Variants in DISC1 observed in about 807,000 individuals in gnomAD.
DISC1 encodes DISC1 scaffold protein, also known as disrupted in schizophrenia 1 protein.
DISC1 carries 57 observed loss-of-function variants against 84.5 expected under a neutral mutation model. The ratio of observed to expected loss-of-function variants is 0.67; its 90% CI spans 0.55 to 0.84. The LOEUF is 0.84. Among genes scored for constraint, DISC1 ranks in the 40% least tolerant of loss-of-function variants. The probability of loss-of-function intolerance (pLI) is 0.00; values close to 1 mark genes in which losing one functional copy is unlikely to be tolerated. For missense variants in DISC1, 1,000 were observed against 1,057.8 expected, an observed-to-expected ratio of 0.95 and a Z score of 0.76; for synonymous variants, 411 against 415.2, an observed-to-expected ratio of 0.99 and a Z score of 0.12.
chr1:231,849,510 A>C (rs554379827), intron 9 of DISC1, among the ~76,000 whole-genome samples: 6 of 152,234 alleles, frequency 3.9e-5, no homozygotes, highest in African/African-American at 1.4e-4. Flanking sequence ...AGCCAATAGC[A>C]GGGCTCTGAT....
At chr1:231,861,912 G>A (rs1433848532) in intron 9 of DISC1, among the ~76,000 whole-genome samples, 1 of 152,126 alleles carries the variant, frequency 6.6e-6, no homozygotes, top group Non-Finnish European at 1.5e-5. Context: ...GACCAATAGT[G>A]TGCTGTTAAA....
chr1:231,770,944 A>C lies in DISC1; in HGVS notation c.1508A>C (p.Asp503Ala). 6.2e-7 allele frequency: 1 copy of C among 1,614,104 alleles called. No homozygotes were observed. The highest frequency in any genetic ancestry group is 8.5e-7 in the Non-Finnish European group (1 of 1,180,004). ...QEQQLQWQGCDLTPLVGQLSL... is the reference protein window; with the variant it reads ...QEQQLQWQGCALTPLVGQLSL... ...CAGCAACTCCAGTGGCAGGGCTGCG[A>C]CCTGACCCCACTGGTGGGCCAGCTG... Residue 503 changes from aspartate to alanine, a missense_variant, in exon 6 of 13, where the codon GAC (aspartate) becomes GCC (alanine). Physicochemically the swap from Asp to Ala is moderately radical, Grantham distance 126 (BLOSUM62 -2). Transcript: ENST00000439617.
chr1:231,734,780 A>C (rs2072254590), intron 3 of DISC1, among the ~76,000 whole-genome samples: 1 of 152,150 alleles, frequency 6.6e-6, no homozygotes, highest in African/African-American at 2.4e-5. Context: ...TGTCTTCCAA[A>C]ATTTTTGTAT....
intron 9 of DISC1, among the ~76,000 whole-genome samples, chr1:231,909,621 T>C (rs1050518531): frequency 6.6e-6 from 1 of 152,290 alleles, no homozygotes; most frequent in African/African-American, 2.4e-5. Context: ...GGGATATTAG[T>C]CTAAAATTCT....
rs557078129 is a variant in DISC1 at position 232,040,652 on chromosome 1, T to C, written c.*3821T>C. ...TTCCTTTAATGTCCTTTTGAGATTT[T>C]GAGCCATGGAACTTACTTGTTCACC... is the stretch of plus-strand genomic sequence containing the variant. On this transcript the variant is annotated 3_prime_UTR_variant, in exon 13 of 13. Coordinates refer to ENST00000439617, the MANE Select transcript of DISC1 (RefSeq NM_018662.3). 1 of 152,224 alleles carries C rather than the reference T, an allele frequency of 6.6e-6. No homozygotes were observed. The highest frequency in any genetic ancestry group is 1.5e-5 in the Non-Finnish European group (1 of 68,042). The allele number at this position is 152,224 out of a possible 1,614,324, so 9.4% of individuals were successfully genotyped here.
Position 231,770,827 on chromosome 1 carries a change from C to T in DISC1, c.1399-8C>T. 1.9e-6 allele frequency: 3 copies of T among 1,613,576 alleles called. No individual in the cohort carries two copies. Among genetic ancestry groups the T allele is most frequent in the South Asian group, 1.1e-5 (1 of 90,946 alleles). On this transcript the variant is annotated splice_region_variant and splice_polypyrimidine_tract_variant and intron_variant, in intron 5 of 12. Transcript: ENST00000439617. Reference sequence around the variant, plus strand: ...ATTTATAAAATCTTGTCTCCTCATTCTCTACAGAAAGAAATCGAAGCTCTC... The same window carrying T: ...ATTTATAAAATCTTGTCTCCTCATTTTCTACAGAAAGAAATCGAAGCTCTC...
chr1:231,641,601 G>A (rs1287400217), intron 1 of DISC1, among the ~76,000 whole-genome samples: 1 of 152,196 alleles, frequency 6.6e-6, no homozygotes, highest in East Asian at 1.9e-4. Context: ...CGCTGCTGGC[G>A]CCTGCAGCCT....
intron 4 of DISC1, among the ~76,000 whole-genome samples, chr1:231,765,195 CAAAAAAAAAAA>C (rs71179793): frequency 1.2e-4 from 11 of 93,266 alleles, no homozygotes; most frequent in South Asian, 4.0e-4. Context: ...GTCCACCCTA[CAAAAAAAAAAA>C]AAAAAAAAAA....
intron 3 of DISC1, among the ~76,000 whole-genome samples, chr1:231,717,310 G>C (rs956738151): frequency 6.6e-6 from 1 of 152,198 alleles, no homozygotes; most frequent in African/African-American, 2.4e-5. Flanking sequence ...CAGGCCCTTG[G>C]CAGAACCAAA....
chr1:232,036,006 CAA>C (rs1031717404), intron 12 of DISC1, among the ~76,000 whole-genome samples: 3 of 152,088 alleles, frequency 2.0e-5, no homozygotes, highest in African/African-American at 7.2e-5. Context: ...AAGAACCAAC[CAA>C]CCAACCCAGA....
At chr1:231,997,454 G>A (rs1159008418) in intron 10 of DISC1, among the ~76,000 whole-genome samples, 1 of 152,154 alleles carries the variant, frequency 6.6e-6, no homozygotes, top group Non-Finnish European at 1.5e-5. Flanking sequence ...TTTGGCCCAC[G>A]TGTGGGGAGA....
intron 3 of DISC1, among the ~76,000 whole-genome samples, chr1:231,703,875 G>A (rs2066714223): frequency 6.6e-6 from 1 of 152,180 alleles, no homozygotes; most frequent in Admixed American, 6.5e-5. Context: ...CCTGGTGACT[G>A]GGGTGTGTCC....
intron 9 of DISC1, among the ~76,000 whole-genome samples, chr1:231,913,382 T>C (rs1035435193): frequency 2.6e-5 from 4 of 152,212 alleles, no homozygotes; most frequent in African/African-American, 9.6e-5. Context: ...ACCTCAAATT[T>C]TGGGACTAGC....
At chr1:231,724,772 G>A (rs2070385452) in intron 3 of DISC1, among the ~76,000 whole-genome samples, 1 of 152,144 alleles carries the variant, frequency 6.6e-6, no homozygotes, top group South Asian at 2.1e-4. Flanking sequence ...TTGGCATTTG[G>A]CGTTTGGTTG....
rs527641874 is a variant in DISC1, at chr1:231,973,454, A to AGGCAGGG, written c.2042+14566_2042+14567insGGCAGGG. On this transcript the variant is annotated intron_variant, in intron 10 of 12. Transcript: ENST00000439617. ...GTTGAGGGACAGGGCTTACTGGTCC[A>AGGCAGGG]AGAGTAACTTCAGGCAGGGAAGCCT... Among the ~76,000 whole-genome samples the AGGCAGGG allele has an allele frequency of 7.9e-5, 12 of 152,378 alleles. No homozygotes were observed. The South Asian group carries it at 1.9e-3, about 24-fold the overall frequency.
At chr1:231,730,318 GAGA>G (rs2071354076) in intron 3 of DISC1, among the ~76,000 whole-genome samples, 1 of 152,356 alleles carries the variant, frequency 6.6e-6, no homozygotes, top group Admixed American at 6.5e-5. Flanking sequence ...TGTAGACATG[GAGA>G]AGGATAAAGA....
At chr1:231,631,484 G>A (rs823167) in intron 1 of DISC1, among the ~76,000 whole-genome samples, 69,598 of 152,012 alleles carry the variant, frequency 0.46, 16,625 homozygotes, top group East Asian at 0.82. Flanking sequence ...CTCCATGCGT[G>A]TTTTTGCCTT....
chr1:231,787,212 C>T (rs1016960135), intron 6 of DISC1, among the ~76,000 whole-genome samples: 1 of 152,088 alleles, frequency 6.6e-6, no homozygotes, highest in African/African-American at 2.4e-5. Context: ...AATAGATGCC[C>T]AATGCAGCTG....
intron 1 of DISC1, among the ~76,000 whole-genome samples, chr1:231,683,487 G>A (rs1224467438): frequency 2.8e-5 from 4 of 145,220 alleles, no homozygotes; most frequent in African/African-American, 7.7e-5. Flanking sequence ...GTGCAATGGC[G>A]TGACTGTGGC....
Sources: gnomAD v4.1 joint callset for allele counts (sites outside exome capture counted in the v4.1 genomes callset) on GRCh38, gnomAD v4.1.1 for gene constraint, MANE v1.5 for transcripts, NCBI Gene and HGNC (gene_info 2026-07-23, HGNC 2026-07-21) for gene names.